Variants in OGFOD3 observed in about 807,000 individuals in gnomAD.
The protein encoded by OGFOD3 is 2-oxoglutarate and iron-dependent oxygenase domain-containing protein 3.
A neutral mutation model predicts 39.8 loss-of-function variants in OGFOD3; 35 were observed. The observed-to-expected ratio is 0.88, with a 90% confidence interval of 0.67 to 1.17. The LOEUF (loss-of-function observed/expected upper bound fraction) is 1.17. Among genes scored for constraint, OGFOD3 ranks in the 50% most tolerant of loss-of-function variants. The pLI is 0.00. For synonymous variants in OGFOD3, 200 were observed against 192.0 expected (o/e 1.04, Z -0.34); for missense variants, 438 against 454.5 (o/e 0.96, Z 0.33).
chr17:82,395,560 G>A (rs534256254), intron 8 of OGFOD3, among the ~76,000 whole-genome samples: 2 of 152,158 alleles, frequency 1.3e-5, no homozygotes, highest in African/African-American at 4.8e-5. Flanking sequence ...GGTGGCTCAC[G>A]CCTGTCATCC....
chr17:82,416,925 T>C (rs945851731), intron 1 of OGFOD3, among the ~76,000 whole-genome samples: 1 of 152,124 alleles, frequency 6.6e-6, no homozygotes, highest in Non-Finnish European at 1.5e-5. Flanking sequence ...TCTAACCGCC[T>C]CAGCCTCCCA....
intron 3 of OGFOD3, among the ~76,000 whole-genome samples, chr17:82,410,465 T>C (rs920825174): frequency 3.3e-5 from 5 of 152,164 alleles, no homozygotes. Context: ...CCACAAGTCA[T>C]AGCCAGGTGG....
chr17:82,418,017 G>A (rs1042618133), intron 1 of OGFOD3, among the ~76,000 whole-genome samples: 2 of 152,212 alleles, frequency 1.3e-5, no homozygotes, highest in African/African-American at 2.4e-5. Flanking sequence ...AGCAGGTTTC[G>A]TGGTTTAAAA....
chr17:82,417,896 T>C (rs1342886721), intron 1 of OGFOD3, among the ~76,000 whole-genome samples: 1 of 152,194 alleles, frequency 6.6e-6, no homozygotes, highest in East Asian at 1.9e-4. Context: ...TTCTGCACGT[T>C]AGAGGCTCCT....
At chr17:82,410,810 C>T (rs145756024) in intron 3 of OGFOD3, among the ~76,000 whole-genome samples, 85 of 149,394 alleles carry the variant, frequency 5.7e-4, no homozygotes, top group African/African-American at 2.0e-3. Flanking sequence ...TCCCTGCCTC[C>T]CAGGTTCAAG....
At chr17:82,409,441 T>G (rs1273336706) in intron 3 of OGFOD3, 31 bp from the exon 4 acceptor site, 4 of 1,608,836 alleles carry the variant, frequency 2.5e-6, no homozygotes, top group Non-Finnish European at 3.4e-6. Flanking sequence ...AGAATTTCGT[T>G]GCTAGAATTG....
At position 82,406,481 on chromosome 17, in the gene OGFOD3, G is replaced by A. The variant is rs763410699; in HGVS notation, c.425C>T (p.Ala142Val). The A allele has an allele frequency of 2.5e-6, 4 of 1,613,916 alleles. No homozygotes were observed. In the East Asian group the frequency reaches 8.9e-5, roughly 36 times the overall value. ...GLSLGGSDGG[A>V]SILDLHSGAL... is the part of the protein sequence containing the mutation. ...CCCTGAGTGCAAGTCCAGAATGGAT[G>A]CCTGGAAAAGACGTTGTGGAGTAAA... The change falls in exon 5 of 9, where the codon GCA becomes GTA. Residue 142 changes from alanine to valine, a missense_variant and splice_region_variant. Coordinates refer to ENST00000313056, the MANE Select transcript of OGFOD3 (RefSeq NM_024648.3). This position sits in a 1 kb window ranked among gnomAD's most constrained non-coding sequence, Gnocchi z 5.2.
chr17:82,409,513 T>C, intron 3 of OGFOD3, 103 bp from the exon 4 acceptor site: 5 of 1,050,674 alleles, frequency 4.8e-6, no homozygotes, highest in Middle Eastern at 2.0e-4. Context: ...TAGTGGGTCC[T>C]GCGTGTTTAA....
intron 1 of OGFOD3, among the ~76,000 whole-genome samples, chr17:82,416,032 G>A (rs112128280): frequency 3.3e-5 from 5 of 151,632 alleles, no homozygotes; most frequent in Non-Finnish European, 5.9e-5. Flanking sequence ...GTATCGAGAC[G>A]AGCCTGACCA....
chr17:82,418,364 G>T, intron 1 of OGFOD3, 48 bp downstream of exon 1: 1 of 1,134,026 alleles, frequency 8.8e-7, no homozygotes, highest in Non-Finnish European at 1.2e-6. Context: ...CCCACTCCAT[G>T]GCCCTGTCCG....
intron 2 of OGFOD3, among the ~76,000 whole-genome samples, chr17:82,413,054 C>A (rs926815212): frequency 3.3e-5 from 5 of 152,156 alleles, no homozygotes; most frequent in Admixed American, 6.5e-5. Context: ...GGCTGAATAT[C>A]AGGGAAGGGG....
chr17:82,410,854 G>T (rs1175208948), intron 3 of OGFOD3, among the ~76,000 whole-genome samples: 1 of 150,568 alleles, frequency 6.6e-6, no homozygotes, highest in Admixed American at 6.7e-5. Context: ...GAGTAGCTGG[G>T]ATTACAGGAG....
chr17:82,394,244 C>T, intron 8 of OGFOD3: 1 of 1,080,164 alleles, frequency 9.3e-7, no homozygotes, highest in Admixed American at 2.5e-5. Context: ...CCCGTCTTGG[C>T]CTCCCAAAGT....
At position 82,418,351 on chromosome 17, in the gene OGFOD3, C is replaced by T. The variant is rs556798041; in HGVS notation, c.74+61G>A. ...AGGCCCCGCCCCATCAGCCCCAGTCCCGCCCACTCCATGGCCCTGTCCGCC... is the reference window on the plus strand; with the variant it reads ...AGGCCCCGCCCCATCAGCCCCAGTCTCGCCCACTCCATGGCCCTGTCCGCC... On this transcript the variant is annotated intron_variant, in intron 1 of 8. Transcript: ENST00000313056. 14 of 1,085,270 alleles carry T rather than the reference C, an allele frequency of 1.3e-5. 1 individual carries two copies. In the African/African-American group the frequency reaches 1.8e-4, roughly 14 times the overall value. 67.2% of individuals were successfully genotyped at this position (1,085,270 alleles called of 1,614,324 possible).
chr17:82,411,641 G>T, intron 2 of OGFOD3, 111 bp from the exon 3 acceptor site: 1 of 790,802 alleles, frequency 1.3e-6, no homozygotes, highest in South Asian at 1.5e-5. Flanking sequence ...GTGAATTTCA[G>T]ACACACACAA....
intron 8 of OGFOD3, among the ~76,000 whole-genome samples, chr17:82,397,380 C>A (rs1324597407): frequency 3.1e-5 from 1 of 32,724 alleles, no homozygotes; most frequent in Non-Finnish European, 6.3e-5. Flanking sequence ...GAGGGCAGTG[C>A]CCTGGGGACG....
chr17:82,406,502 G>C lies in OGFOD3; in HGVS notation c.424-20C>G, dbSNP rs753316647. The C allele has an allele frequency of 1.9e-6, 3 of 1,611,206 alleles. No individual in the cohort carries two copies. The highest frequency in any genetic ancestry group is 1.7e-4 in the Middle Eastern group (1 of 6,056). The stretch of plus-strand genomic sequence containing the variant: ...GGATGCCTGGAAAAGACGTTGTGGA[G>C]TAAAGCGTGCAGCCGCAGCAATGGC... On this transcript the variant is annotated intron_variant, in intron 4 of 8. Transcript: ENST00000313056. This position sits in a 1 kb window ranked among gnomAD's most constrained non-coding sequence, Gnocchi z 5.2.
rs756961781 is a variant in OGFOD3 at position 82,398,230 on chromosome 17, C to T, written c.789G>A (p.Glu263=). The stretch of plus-strand genomic sequence containing the variant: ...GCTCCACCGTCTTGTTGGCACCCTC[C>T]TCCATGAACATGAACCGCCCTCCGC... ...DFGGGRFMFM[E]EGANKTVEPR... The change falls in exon 8 of 9, where the codon GAG becomes GAA. Residue 263 remains glutamate (E), a synonymous_variant. Transcript: ENST00000313056. 2 of 1,614,140 alleles carry T rather than the reference C, an allele frequency of 1.2e-6. No individual in the cohort carries two copies. Among genetic ancestry groups the T allele is most frequent in the South Asian group, 1.1e-5 (1 of 91,086 alleles).
intron 7 of OGFOD3, among the ~76,000 whole-genome samples, chr17:82,401,709 C>G (rs1429193880): frequency 6.8e-6 from 1 of 146,316 alleles, no homozygotes; most frequent in Non-Finnish European, 1.5e-5. Flanking sequence ...GAGGCTGAGG[C>G]AGGAGAATGG....
Sources: gnomAD v4.1 joint callset for allele counts (sites outside exome capture counted in the v4.1 genomes callset) on GRCh38, gnomAD v4.1.1 for gene constraint, Gnocchi (gnomAD v3.1) non-coding constraint, MANE v1.5 for transcripts, NCBI Gene and HGNC (gene_info 2026-07-23, HGNC 2026-07-21) for gene names.